Variants in WWP2 observed in about 807,000 individuals in gnomAD.
WWP2 encodes NEDD4-like E3 ubiquitin-protein ligase WWP2.
Under a neutral mutation model 121.0 loss-of-function variants are expected in WWP2, and 57 were observed. The ratio of observed to expected loss-of-function variants is 0.47; its 90% CI spans 0.38 to 0.59. The LOEUF (loss-of-function observed/expected upper bound fraction) is 0.59, where lower values mean the gene tolerates loss of function less well. WWP2 is among the 20% of genes least tolerant of loss of function. WWP2 has a pLI of 0.00. For synonymous variants in WWP2, 449 were observed against 441.3 expected, an observed-to-expected ratio of 1.02 and a Z score of -0.22; for missense variants, 962 against 1,158.9, an observed-to-expected ratio of 0.83 and a Z score of 2.47.
intron 10 of WWP2, among the ~76,000 whole-genome samples, chr16:69,923,332 G>A (rs545952707): frequency 2.7e-5 from 4 of 149,900 alleles, no homozygotes; most frequent in South Asian, 2.1e-4. Context: ...GGGGGGGTGC[G>A]TTCTGATAGA....
chr16:69,894,477 G>T (rs1023335899), intron 8 of WWP2, among the ~76,000 whole-genome samples: 1 of 152,180 alleles, frequency 6.6e-6, no homozygotes, highest in African/African-American at 2.4e-5. Context: ...TGAAACCTGG[G>T]CTGAAGATGT....
intron 1 of WWP2, among the ~76,000 whole-genome samples, chr16:69,767,357 A>G (rs1011851884): frequency 2.6e-5 from 4 of 152,238 alleles, no homozygotes; most frequent in Non-Finnish European, 5.9e-5. Context: ...TAGCTAAGAA[A>G]TGAAAGAGAT....
chr16:69,907,603 G>A (rs2058314091), intron 8 of WWP2, among the ~76,000 whole-genome samples: 1 of 152,154 alleles, frequency 6.6e-6, no homozygotes, highest in Non-Finnish European at 1.5e-5. Flanking sequence ...ACTATATTCT[G>A]GGTAAGTAGA....
chr16:69,907,988 C>A (rs1167321734), intron 8 of WWP2, among the ~76,000 whole-genome samples: 1 of 152,154 alleles, frequency 6.6e-6, no homozygotes, highest in Non-Finnish European at 1.5e-5. Context: ...CTCCTGTAAT[C>A]CCAGCACTTT....
At chr16:69,789,093 T>C (rs994682281) in intron 2 of WWP2, among the ~76,000 whole-genome samples, 3 of 152,208 alleles carry the variant, frequency 2.0e-5, no homozygotes, top group African/African-American at 7.2e-5. Context: ...AGTCTCGCTC[T>C]GTCGCCCAGG....
At chr16:69,831,248 G>A (rs1338990649) in intron 4 of WWP2, among the ~76,000 whole-genome samples, 1 of 152,038 alleles carries the variant, frequency 6.6e-6, no homozygotes, top group East Asian at 1.9e-4. Flanking sequence ...TCTGAATTAG[G>A]AACCAAAAGA....
At position 69,927,086 on chromosome 16, in the gene WWP2, G is replaced by C. The variant is rs866990235; in HGVS notation, c.1234+1602G>C. Reference sequence around the variant, plus strand: ...AAATGGAGGAGCCGTGGTCAGAGTCGATACTGTTAATGAACGATCAGAAAA... The same window carrying C: ...AAATGGAGGAGCCGTGGTCAGAGTCCATACTGTTAATGAACGATCAGAAAA... On this transcript the variant is annotated intron_variant, in intron 11 of 23. Transcript: ENST00000359154. 5.9e-5 allele frequency among the ~76,000 whole-genome samples: 9 copies of C among 152,188 alleles called. No homozygotes were observed. In the East Asian group the frequency reaches 1.7e-3, roughly 29 times the overall value.
intron 4 of WWP2, among the ~76,000 whole-genome samples, chr16:69,831,339 C>T (rs1435759709): frequency 6.6e-6 from 1 of 152,112 alleles, no homozygotes; most frequent in Non-Finnish European, 1.5e-5. Flanking sequence ...GAAAATACCC[C>T]AAACTAGAAA....
intron 10 of WWP2, among the ~76,000 whole-genome samples, chr16:69,922,952 C>T (rs1349493064): frequency 1.3e-5 from 2 of 151,846 alleles, no homozygotes; most frequent in African/African-American, 2.4e-5. Flanking sequence ...TGCAGTGGCG[C>T]AATCTCGGCT....
intron 1 of WWP2, among the ~76,000 whole-genome samples, chr16:69,766,326 C>G (rs1055808457): frequency 1.3e-5 from 2 of 152,194 alleles, no homozygotes; most frequent in Admixed American, 6.5e-5. Context: ...CAACAGCCTC[C>G]TAACTTGTCT....
intron 2 of WWP2, among the ~76,000 whole-genome samples, chr16:69,788,807 T>C (rs553431303): frequency 6.6e-6 from 1 of 152,224 alleles, no homozygotes; most frequent in South Asian, 2.1e-4. Context: ...CCCCAGCCAG[T>C]AGAACAGTGC....
At chr16:69,927,036 C>T (rs1470633568) in intron 11 of WWP2, among the ~76,000 whole-genome samples, 1 of 151,906 alleles carries the variant, frequency 6.6e-6, no homozygotes, top group Admixed American at 6.6e-5. Context: ...CTCTCGAATG[C>T]TAAGTGTGGA....
chr16:69,928,716 C>A (rs1356568335), intron 11 of WWP2, among the ~76,000 whole-genome samples: 4 of 151,966 alleles, frequency 2.6e-5, no homozygotes, highest in Non-Finnish European at 5.9e-5. Context: ...TCGAGACCAG[C>A]CAGGACAACA....
chr16:69,882,738 C>T (rs550799190), intron 7 of WWP2, among the ~76,000 whole-genome samples: 70 of 152,232 alleles, frequency 4.6e-4, no homozygotes, highest in Non-Finnish European at 9.4e-4. Context: ...GTGAAAAATG[C>T]GGGAAACAAA....
At chr16:69,856,746 C>G (rs1286801527) in intron 6 of WWP2, among the ~76,000 whole-genome samples, 1 of 151,502 alleles carries the variant, frequency 6.6e-6, no homozygotes, top group Non-Finnish European at 1.5e-5. Context: ...TGCACTCCAG[C>G]CTGGGTGACA....
intron 6 of WWP2, among the ~76,000 whole-genome samples, chr16:69,862,708 CTTTTTTTTTT>C (rs546868069): frequency 1.0e-4 from 8 of 76,526 alleles, no homozygotes; most frequent in African/African-American, 3.5e-4. Flanking sequence ...GCCATGAATT[CTTTTTTTTTT>C]TTTTTTTTTT....
At chr16:69,774,942 C>T (rs1412448940) in intron 1 of WWP2, 2 of 146,926 alleles carry the variant, frequency 1.4e-5, no homozygotes, top group African/African-American at 5.1e-5. Flanking sequence ...GCACTCCAGC[C>T]TGGGTGACAG....
chr16:69,791,833 C>T (rs2055919142), intron 2 of WWP2, among the ~76,000 whole-genome samples: 1 of 152,046 alleles, frequency 6.6e-6, no homozygotes, highest in South Asian at 2.1e-4. Context: ...ACCTCGGCCT[C>T]TTAAGGTGCT....
At chr16:69,924,333 C>T (rs1474892085) in intron 10 of WWP2, among the ~76,000 whole-genome samples, 1 of 152,132 alleles carries the variant, frequency 6.6e-6, no homozygotes, top group Admixed American at 6.5e-5. Context: ...GCTCCGGCAC[C>T]CCTAGACGGG....
Sources: allele counts gnomAD v4.1 joint callset (sites outside exome capture counted in the v4.1 genomes callset), GRCh38; gene constraint gnomAD v4.1.1; transcripts MANE v1.5; gene names NCBI Gene and HGNC (gene_info 2026-07-23, HGNC 2026-07-21).